AZI2: variants seen among roughly 807,000 people sequenced by gnomAD.
AZI2 encodes 5-azacytidine induced 2.
AZI2 carries 22 observed loss-of-function variants against 45.8 expected under a neutral mutation model. That is an observed-to-expected ratio of 0.48 (90% CI 0.34 to 0.69). The LOEUF is 0.69. Among genes scored for constraint, AZI2 ranks in the 30% least tolerant of loss-of-function variants. AZI2 has a pLI of 0.01. For missense variants in AZI2, 417 were observed against 441.5 expected, an observed-to-expected ratio of 0.94 and a Z score of 0.50; for synonymous variants, 137 against 156.7, an observed-to-expected ratio of 0.87 and a Z score of 0.94.
Position 28,345,636 on chromosome 3 carries a change from A to C in AZI2, c.-6+2965T>G, listed in dbSNP as rs535566366. ...TTTGTCAGATAAAGTAGGTAGAAAT[A>C]AGAACAGTACTACCTGAAGCTTGGG... On this transcript the variant is annotated intron_variant, in intron 1 of 7. Coordinates refer to ENST00000479665, the MANE Select transcript of AZI2 (RefSeq NM_022461.5). 1.2e-3 allele frequency among the ~76,000 whole-genome samples: 186 copies of C among 152,280 alleles called. 1 individual carries two copies. The highest frequency in any genetic ancestry group is 4.1e-3 in the African/African-American group (171 of 41,578).
rs1432229958 is a variant in AZI2, at chr3:28,323,111, T to G, written c.*931A>C. 1 of 151,154 alleles carries G rather than the reference T, an allele frequency of 6.6e-6. No individual in the cohort carries two copies. The highest frequency in any genetic ancestry group is 1.9e-4 in the East Asian group (1 of 5,152). 9.4% of individuals were successfully genotyped at this position (151,154 alleles called of 1,614,324 possible). A position where few individuals can be genotyped will look rare whatever the true frequency, so the allele number is the denominator to read the frequency against. Reference sequence around the variant, plus strand: ...TAATAATTTTAAATCACTTTCTCAATAAATAGAATATTACATTTCAACACA... The same window carrying G: ...TAATAATTTTAAATCACTTTCTCAAGAAATAGAATATTACATTTCAACACA... On this transcript the variant is annotated 3_prime_UTR_variant, in exon 8 of 8. Transcript: ENST00000479665.
chr3:28,342,776 A>G (rs1704075878), intron 1 of AZI2, among the ~76,000 whole-genome samples: 1 of 151,834 alleles, frequency 6.6e-6, no homozygotes, highest in African/African-American at 2.4e-5. Context: ...CAAGTAAAAT[A>G]GTCACAGACG....
chr3:28,322,058 A>G lies in AZI2; in HGVS notation c.*1984T>C, dbSNP rs1268119915. ...TTTTTTGGTTGTTTGAATTTTACCT[A>G]GAACAGAGATATCAAGTGTAGATTT... On this transcript the variant is annotated 3_prime_UTR_variant, in exon 8 of 8. Transcript: ENST00000479665. 2.0e-5 allele frequency: 3 copies of G among 151,350 alleles called. No individual in the cohort carries two copies. Among genetic ancestry groups the G allele is most frequent in the Admixed American group, 6.6e-5 (1 of 15,140 alleles). The allele number at this position is 151,350 out of a possible 1,614,324, so 9.4% of individuals were successfully genotyped here.
chr3:28,333,959 T>A (rs1703690178), intron 5 of AZI2, among the ~76,000 whole-genome samples: 1 of 151,504 alleles, frequency 6.6e-6, no homozygotes, highest in Middle Eastern at 3.4e-3. Context: ...ATTTTACTGA[T>A]CTAGTATCTC....
At chr3:28,345,799 G>T (rs1469893960) in intron 1 of AZI2, among the ~76,000 whole-genome samples, 3 of 151,994 alleles carry the variant, frequency 2.0e-5, no homozygotes, top group Admixed American at 2.0e-4. Flanking sequence ...CAAAGTTTGG[G>T]ATACTAGAAA....
Position 28,336,749 on chromosome 3 carries a change from T to C in AZI2, c.576A>G (p.Lys192=), listed in dbSNP as rs749596216. The C allele has an allele frequency of 6.2e-7, 1 of 1,612,910 alleles. No homozygotes were observed. The highest frequency in any genetic ancestry group is 8.5e-7 in the Non-Finnish European group (1 of 1,179,352). ...ECSDLKIELQ[K]AKQTDPYQED... ...AATTCTGTAATACCGTTTGTTTGGC[T>C]TTCTGTAGTTCTATTTTGAGATCGC... is the stretch of plus-strand genomic sequence containing the variant. Residue 192 remains lysine (K), a synonymous_variant, in exon 5 of 8, where the codon AAA becomes AAG. Coordinates refer to ENST00000479665, the MANE Select transcript of AZI2 (RefSeq NM_022461.5).
rs188585620 is a variant in AZI2 at position 28,338,710 on chromosome 3, G to A, written c.217-95C>T. On this transcript the variant is annotated intron_variant, in intron 2 of 7. Transcript: ENST00000479665. ...GATGGCTCCATATCTTACTTCAATC[G>A]TAATAAGGGGATAAAGCCTGGATTC... is the stretch of plus-strand genomic sequence containing the variant. The A allele has an allele frequency of 4.4e-5, 49 of 1,101,742 alleles. No individual in the cohort carries two copies. The East Asian group carries it at 1.1e-3, about 25-fold the overall frequency. The allele number at this position is 1,101,742 out of a possible 1,614,324, so 68.2% of individuals were successfully genotyped here. A position where few individuals can be genotyped will look rare whatever the true frequency, so the allele number is the denominator to read the frequency against.
chr3:28,338,284 G>C (rs1703878368), intron 3 of AZI2, among the ~76,000 whole-genome samples: 2 of 150,016 alleles, frequency 1.3e-5, no homozygotes, highest in Admixed American at 1.3e-4. Context: ...GGTGGTGTTA[G>C]ATGTATTTAA....
At chr3:28,327,765 TAAATG>T (rs1703436993) in intron 6 of AZI2, among the ~76,000 whole-genome samples, 1 of 150,928 alleles carries the variant, frequency 6.6e-6, no homozygotes, top group Non-Finnish European at 1.5e-5. Context: ...AATTGCCAAC[TAAATG>T]AAATTAAAAT....
At chr3:28,337,177 A>C (rs748339070) in intron 4 of AZI2, 21 of 272,564 alleles carry the variant, frequency 7.7e-5, no homozygotes, top group Middle Eastern at 2.3e-3. Flanking sequence ...ACAGTGATAA[A>C]AATAATAAAC....
At chr3:28,345,813 T>C (rs934427017) in intron 1 of AZI2, among the ~76,000 whole-genome samples, 1 of 152,154 alleles carries the variant, frequency 6.6e-6, no homozygotes, top group African/African-American at 2.4e-5. Flanking sequence ...CTAGAAAACA[T>C]ATCTGCTGAT....
intron 4 of AZI2, among the ~76,000 whole-genome samples, chr3:28,337,590 G>A (rs931633429): frequency 3.3e-5 from 5 of 152,098 alleles, no homozygotes; most frequent in African/African-American, 4.8e-5. Context: ...TTTAACTGTG[G>A]GCAAGATGTT....
At position 28,324,465 on chromosome 3, in the gene AZI2, A is replaced by C. The variant is rs35465423; in HGVS notation, c.767-11T>G. 1.4e-6 allele frequency: 2 copies of C among 1,451,612 alleles called. No individual in the cohort carries two copies. Among genetic ancestry groups the C allele is most frequent in the African/African-American group, 2.8e-5 (2 of 70,664 alleles). 89.9% of individuals were successfully genotyped at this position (1,451,612 alleles called of 1,614,324 possible). A position where few individuals can be genotyped will look rare whatever the true frequency, so the allele number is the denominator to read the frequency against. On this transcript the variant is annotated splice_polypyrimidine_tract_variant and intron_variant, in intron 7 of 7. Transcript: ENST00000479665. ...CTACAGGGGCACAGGCTAAAAAGAA[A>C]ACACAGACTAAATGTCAGTTTTCAT...
chr3:28,334,357 T>A (rs1327629508), intron 5 of AZI2, among the ~76,000 whole-genome samples: 8 of 151,950 alleles, frequency 5.3e-5, no homozygotes, highest in Non-Finnish European at 1.2e-4. Context: ...CCAAGAGGAT[T>A]CTGATCAGCA....
intron 1 of AZI2, among the ~76,000 whole-genome samples, chr3:28,347,693 C>G (rs1429853909): frequency 6.6e-6 from 1 of 152,184 alleles, no homozygotes; most frequent in African/African-American, 2.4e-5. Flanking sequence ...AAACCTTCTA[C>G]TTGCGTAAGA....
chr3:28,335,665 T>C (rs572457195), intron 5 of AZI2, among the ~76,000 whole-genome samples: 1 of 151,982 alleles, frequency 6.6e-6, no homozygotes, highest in South Asian at 2.1e-4. Flanking sequence ...TCTTATCGAG[T>C]GGTCACCTCT....
intron 7 of AZI2, 21 bp from the exon 8 acceptor site, chr3:28,324,475 A>G: frequency 7.0e-7 from 1 of 1,438,526 alleles, no homozygotes. Flanking sequence ...AACACAGACT[A>G]AATGTCAGTT....
At chr3:28,343,941 T>A (rs1488865331) in intron 1 of AZI2, among the ~76,000 whole-genome samples, 1 of 152,090 alleles carries the variant, frequency 6.6e-6, no homozygotes, top group African/African-American at 2.4e-5. Context: ...GGTTTACCTA[T>A]TGATATGCTA....
At chr3:28,332,156 AG>A (rs1703604065) in intron 6 of AZI2, among the ~76,000 whole-genome samples, 1 of 151,608 alleles carries the variant, frequency 6.6e-6, no homozygotes, top group East Asian at 1.9e-4. Context: ...AGAAAGTTTA[AG>A]GCATCCTGTT....
Sources: gnomAD v4.1 joint callset for allele counts (sites outside exome capture counted in the v4.1 genomes callset) on GRCh38, gnomAD v4.1.1 for gene constraint, MANE v1.5 for transcripts, NCBI Gene and HGNC (gene_info 2026-07-23, HGNC 2026-07-21) for gene names.